Variants in POU6F2 observed in about 807,000 individuals in gnomAD.
POU6F2 encodes the protein POU domain, class 6, transcription factor 2.
A neutral mutation model predicts 71.3 loss-of-function variants in POU6F2; 31 were observed. The observed-to-expected ratio is 0.43, with a 90% CI of 0.33 to 0.59. The LOEUF (loss-of-function observed/expected upper bound fraction) is 0.59. POU6F2 is among the 20% of genes least tolerant of loss of function. POU6F2 has a pLI of 0.04. For missense variants in POU6F2, 783 were observed against 856.8 expected, an observed-to-expected ratio of 0.91 and a Z score of 1.07; for synonymous variants, 347 against 355.7, an observed-to-expected ratio of 0.98 and a Z score of 0.27.
chr7:39,379,701 T>G (rs892509855), intron 5 of POU6F2, among the ~76,000 whole-genome samples: 5 of 152,182 alleles, frequency 3.3e-5, no homozygotes, highest in African/African-American at 1.2e-4. Context: ...AAAAAAAATT[T>G]TAAACACAAA....
At chr7:39,200,260 A>G (rs1197242399) in intron 2 of POU6F2, among the ~76,000 whole-genome samples, 2 of 152,344 alleles carry the variant, frequency 1.3e-5, no homozygotes, top group East Asian at 1.9e-4. Flanking sequence ...AGTCACAGGT[A>G]GAGTTTCATA....
At chr7:39,386,153 T>G (rs540414723) in intron 5 of POU6F2, among the ~76,000 whole-genome samples, 1 of 149,758 alleles carries the variant, frequency 6.7e-6, no homozygotes, top group Non-Finnish European at 1.5e-5. Flanking sequence ...CTTAGGCCAC[T>G]TTTACAGACC....
intron 1 of POU6F2, among the ~76,000 whole-genome samples, chr7:39,002,295 A>C (rs1788937133): frequency 6.6e-6 from 1 of 152,114 alleles, no homozygotes; most frequent in Admixed American, 6.5e-5. Flanking sequence ...CAGTTTGTTA[A>C]TATAAGGTTG....
intron 2 of POU6F2, among the ~76,000 whole-genome samples, chr7:39,135,674 C>G (rs1055897889): frequency 6.6e-6 from 1 of 151,796 alleles, no homozygotes; most frequent in Non-Finnish European, 1.5e-5. Context: ...AAAATAGAAA[C>G]TAAGGTCAAC....
intron 2 of POU6F2, among the ~76,000 whole-genome samples, chr7:39,175,402 G>C (rs1055390911): frequency 6.6e-6 from 1 of 152,102 alleles, no homozygotes; most frequent in Non-Finnish European, 1.5e-5. Context: ...GTGTGAAAAA[G>C]AGGTACTACT....
intron 2 of POU6F2, among the ~76,000 whole-genome samples, chr7:39,151,952 GGAT>G (rs1359944804): frequency 6.6e-6 from 1 of 152,178 alleles, no homozygotes; most frequent in Non-Finnish European, 1.5e-5. Context: ...AAGATTATCA[GGAT>G]GAGAGTAACA....
At chr7:39,282,433 T>G (rs1349777503) in intron 4 of POU6F2, among the ~76,000 whole-genome samples, 1 of 152,224 alleles carries the variant, frequency 6.6e-6, no homozygotes, top group Admixed American at 6.5e-5. Flanking sequence ...ATTTAAGTCT[T>G]TAATCCAGTT....
chr7:39,149,209 C>CT (rs1792689377), intron 2 of POU6F2, among the ~76,000 whole-genome samples: 1 of 152,184 alleles, frequency 6.6e-6, no homozygotes, highest in East Asian at 1.9e-4. Flanking sequence ...CACCCCATCT[C>CT]TAGACAAGAT....
intron 1 of POU6F2, among the ~76,000 whole-genome samples, chr7:39,069,365 C>T (rs770093393): frequency 2.0e-5 from 3 of 152,204 alleles, no homozygotes; most frequent in Non-Finnish European, 4.4e-5. Context: ...CTTTTCCGGG[C>T]TGATGCCCAG....
At chr7:39,280,858 A>T (rs1784550598) in intron 4 of POU6F2, among the ~76,000 whole-genome samples, 1 of 152,246 alleles carries the variant, frequency 6.6e-6, no homozygotes, top group Non-Finnish European at 1.5e-5. Context: ...ATCAGATCCT[A>T]TATTTGCAGT....
chr7:39,292,542 G>A (rs1203755878), intron 4 of POU6F2, among the ~76,000 whole-genome samples: 1 of 152,160 alleles, frequency 6.6e-6, no homozygotes, highest in Admixed American at 6.5e-5. Context: ...AAACACCTTA[G>A]GAATAAGAGA....
At chr7:39,371,283 G>A (rs1206748787) in intron 5 of POU6F2, among the ~76,000 whole-genome samples, 1 of 151,680 alleles carries the variant, frequency 6.6e-6, no homozygotes, top group Non-Finnish European at 1.5e-5. Flanking sequence ...GGGTTCAAGC[G>A]ATTCTCCTGC....
chr7:39,071,987 G>T (rs1790891140), intron 1 of POU6F2, among the ~76,000 whole-genome samples: 1 of 152,212 alleles, frequency 6.6e-6, no homozygotes. Flanking sequence ...GTACTCACAA[G>T]ATTGGAACAC....
At chr7:39,128,540 A>G (rs966768460) in intron 2 of POU6F2, among the ~76,000 whole-genome samples, 8 of 152,358 alleles carry the variant, frequency 5.3e-5, no homozygotes, top group African/African-American at 1.7e-4. Context: ...TGTGGGAAAT[A>G]TTCCTGCATA....
At chr7:39,016,953 T>G (rs1370840741) in intron 1 of POU6F2, among the ~76,000 whole-genome samples, 2 of 152,142 alleles carry the variant, frequency 1.3e-5, no homozygotes, top group African/African-American at 4.8e-5. Context: ...AAAATTTGGT[T>G]TGATCCAAGG....
chr7:39,164,645 G>A (rs1039646166), intron 2 of POU6F2, among the ~76,000 whole-genome samples: 1 of 151,898 alleles, frequency 6.6e-6, no homozygotes, highest in African/African-American at 2.4e-5. Context: ...GTGCACTGAA[G>A]CAGGGTGGAG....
At chr7:39,171,012 ATATC>A (rs1475909032) in intron 2 of POU6F2, among the ~76,000 whole-genome samples, 11 of 144,924 alleles carry the variant, frequency 7.6e-5, no homozygotes, top group African/African-American at 2.8e-4. Context: ...TAGTTCACAT[ATATC>A]TTTTTTTTTT....
intron 1 of POU6F2, among the ~76,000 whole-genome samples, chr7:39,047,374 C>G (rs1191521069): frequency 6.6e-6 from 1 of 151,760 alleles, no homozygotes; most frequent in African/African-American, 2.4e-5. Context: ...TATTTCTTTA[C>G]CTCCCTTTAT....
chr7:39,430,285 C>A (rs1490874964), intron 6 of POU6F2, among the ~76,000 whole-genome samples: 3 of 152,176 alleles, frequency 2.0e-5, no homozygotes, highest in Non-Finnish European at 2.9e-5. Context: ...TGCATAGTGC[C>A]ACCAAAGGCT....
Sources: gnomAD v4.1 joint callset for allele counts (sites outside exome capture counted in the v4.1 genomes callset) on GRCh38, gnomAD v4.1.1 for gene constraint, MANE v1.5 for transcripts, NCBI Gene and HGNC (gene_info 2026-07-23, HGNC 2026-07-21) for gene names.